The following GPM6A variants were observed in gnomAD, a reference collection of about 807,000 sequenced individuals.
GPM6A encodes the protein glycoprotein M6A.
A neutral mutation model predicts 32.1 loss-of-function variants in GPM6A; 7 were observed. The ratio of observed to expected loss-of-function variants is 0.22; its 90% CI spans 0.12 to 0.41. GPM6A has a LOEUF of 0.41. Among genes scored for constraint, GPM6A ranks in the 10% least tolerant of loss-of-function variants. The pLI, the probability that GPM6A is intolerant of heterozygous loss-of-function variation, is 1.00. For synonymous variants in GPM6A, 130 were observed against 123.4 expected (o/e 1.05, Z -0.35); for missense variants, 235 against 347.2 (o/e 0.68, Z 2.57).
At chr4:175,791,633 ATTTTCTCTTACTT>A (rs748818364) in intron 1 of GPM6A, among the ~76,000 whole-genome samples, 4 of 152,184 alleles carry the variant, frequency 2.6e-5, no homozygotes, top group African/African-American at 4.8e-5. Flanking sequence ...AAGAGATTCA[ATTTTCTCTTACTT>A]AATAGATGGA....
At chr4:175,989,523 A>C (rs1228110853) in intron 1 of GPM6A, among the ~76,000 whole-genome samples, 1 of 152,154 alleles carries the variant, frequency 6.6e-6, no homozygotes, top group African/African-American at 2.4e-5. Context: ...AGTATTAAAA[A>C]TATGAAAATA....
chr4:175,665,414 AT>A (rs1742690599), intron 3 of GPM6A, among the ~76,000 whole-genome samples: 1 of 152,190 alleles, frequency 6.6e-6, no homozygotes. Flanking sequence ...TTAAAAAAAA[AT>A]AAAATCGAGC....
At chr4:175,814,266 A>G (rs1210821419), upstream of GPM6A, among the ~76,000 whole-genome samples, 1 of 152,244 alleles carries the variant, frequency 6.6e-6, no homozygotes, top group Non-Finnish European at 1.5e-5. Flanking sequence ...TGGGAAAAGC[A>G]TAATTTTCCC....
intron 3 of GPM6A, among the ~76,000 whole-genome samples, chr4:175,656,907 G>A (rs1459362552): frequency 3.3e-5 from 5 of 152,124 alleles, no homozygotes; most frequent in Non-Finnish European, 5.9e-5. Context: ...CATATTGAAT[G>A]GAATGTTATG....
chr4:175,906,147 C>T (rs1560987963), intron 1 of GPM6A, among the ~76,000 whole-genome samples: 2 of 152,106 alleles, frequency 1.3e-5, no homozygotes, highest in Admixed American at 1.3e-4. Context: ...ATGCAAGAAG[C>T]ATTGAAATTC....
intron 1 of GPM6A, among the ~76,000 whole-genome samples, chr4:175,793,218 A>G (rs908418662): frequency 1.3e-5 from 2 of 152,150 alleles, no homozygotes; most frequent in Non-Finnish European, 2.9e-5. Context: ...AAGATGTTCT[A>G]TGGCTTCATA....
At chr4:175,706,809 G>C (rs1327594304) in intron 1 of GPM6A, among the ~76,000 whole-genome samples, 1 of 152,156 alleles carries the variant, frequency 6.6e-6, no homozygotes, top group Non-Finnish European at 1.5e-5. Context: ...ATAAGATACA[G>C]GTCATGAAGA....
chr4:175,945,774 C>CGT (rs1561005911), intron 1 of GPM6A, among the ~76,000 whole-genome samples: 9 of 150,264 alleles, frequency 6.0e-5, no homozygotes, highest in African/African-American at 2.0e-4. Context: ...GTGCATATTA[C>CGT]ATACAACTCA....
intron 1 of GPM6A, among the ~76,000 whole-genome samples, chr4:175,993,563 T>TC (rs1157195186): frequency 2.0e-5 from 3 of 152,188 alleles, no homozygotes; most frequent in Non-Finnish European, 4.4e-5. Flanking sequence ...ATACACTCAT[T>TC]CCACAGTTTT....
chr4:175,843,432 C>T (rs1309704414), intron 1 of GPM6A, among the ~76,000 whole-genome samples: 1 of 152,156 alleles, frequency 6.6e-6, no homozygotes, highest in African/African-American at 2.4e-5. Context: ...TGCATCTGAC[C>T]ATCTCATTTG....
At chr4:175,681,676 G>T (rs184849659) in intron 2 of GPM6A, among the ~76,000 whole-genome samples, 191 of 152,060 alleles carry the variant, frequency 1.3e-3, no homozygotes, top group Non-Finnish European at 2.5e-3. Context: ...TCCCACTCTG[G>T]CCATGTGATG....
At chr4:175,685,116 C>G (rs1343625415) in intron 2 of GPM6A, among the ~76,000 whole-genome samples, 1 of 152,124 alleles carries the variant, frequency 6.6e-6, no homozygotes. Context: ...GTCTTGATCT[C>G]CTGACCTCGT....
In GPM6A at chr4:175,960,214, A is replaced by G. The variant is rs184538147; in HGVS notation, c.-23+42095T>C. On this transcript the variant is annotated intron_variant, in intron 1 of 7. Transcript: ENST00000280187. ...AATTAAACTTTTTAAAATAAACTTG[A>G]CATACTTGGAGTCAATTTTCAAATA... is the stretch of plus-strand genomic sequence containing the variant. 8.3e-3 allele frequency among the ~76,000 whole-genome samples: 1,265 copies of G among 152,326 alleles called. 10 individuals are homozygous for G. Among genetic ancestry groups the G allele is most frequent in the Non-Finnish European group, 0.011 (756 of 68,024 alleles).
intron 1 of GPM6A, among the ~76,000 whole-genome samples, chr4:175,966,728 T>C (rs1208937618): frequency 2.0e-5 from 3 of 152,154 alleles, no homozygotes; most frequent in Non-Finnish European, 4.4e-5. Flanking sequence ...AAATGAATGC[T>C]TGTTGTTTAA....
chr4:175,783,258 ATT>A (rs1261895252), intron 1 of GPM6A, among the ~76,000 whole-genome samples: 1 of 151,950 alleles, frequency 6.6e-6, no homozygotes, highest in Non-Finnish European at 1.5e-5. Context: ...CTCTAATAGA[ATT>A]TGTTTCCTAT....
chr4:175,636,094 G>A (rs1560840276), intron 6 of GPM6A, among the ~76,000 whole-genome samples: 1 of 151,612 alleles, frequency 6.6e-6, no homozygotes, highest in Non-Finnish European at 1.5e-5. Flanking sequence ...GACACGGGAT[G>A]TAGGGGAAAA....
intron 1 of GPM6A, among the ~76,000 whole-genome samples, chr4:175,983,990 G>GTCTCTC (rs149265312): frequency 1.4e-5 from 2 of 146,146 alleles, no homozygotes; most frequent in Admixed American, 6.8e-5. Flanking sequence ...TGCTCTCTCT[G>GTCTCTC]TCTCTCTCTC....
intron 1 of GPM6A, among the ~76,000 whole-genome samples, chr4:175,935,247 C>T (rs1739181090): frequency 1.3e-5 from 2 of 152,142 alleles, no homozygotes; most frequent in Admixed American, 6.6e-5. Context: ...TTCCCTTCAC[C>T]TTCCCACCTC....
chr4:175,683,249 T>C (rs555733473), intron 2 of GPM6A, among the ~76,000 whole-genome samples: 52 of 152,320 alleles, frequency 3.4e-4, no homozygotes, highest in Non-Finnish European at 5.6e-4. Flanking sequence ...TAATATCCTT[T>C]ATGTCAGTCA....
Sources: allele counts gnomAD v4.1 joint callset (sites outside exome capture counted in the v4.1 genomes callset), GRCh38; gene constraint gnomAD v4.1.1; transcripts MANE v1.5; gene names NCBI Gene and HGNC (gene_info 2026-07-23, HGNC 2026-07-21).